The following PRDM5 variants were observed in gnomAD, a reference collection of about 807,000 sequenced individuals.
PRDM5 encodes PR/SET domain 5, also known as PR domain zinc finger protein 5.
In PRDM5, 56 loss-of-function variants were observed where a neutral mutation model predicts 81.2. The ratio of observed to expected loss-of-function variants is 0.69; its 90% CI spans 0.56 to 0.86. PRDM5 has a LOEUF of 0.86. Ranked by LOEUF, PRDM5 falls within the 40% of genes least tolerant of loss-of-function variation. The probability of loss-of-function intolerance (pLI) is 0.00; values close to 1 mark genes in which losing one functional copy is unlikely to be tolerated. For synonymous variants in PRDM5, 267 were observed against 256.4 expected (o/e 1.04, Z -0.39); for missense variants, 697 against 770.1 (o/e 0.91, Z 1.12).
At chr4:120,828,817 G>A (rs1020264807) in intron 3 of PRDM5, among the ~76,000 whole-genome samples, 7 of 151,992 alleles carry the variant, frequency 4.6e-5, no homozygotes, top group African/African-American at 1.4e-4. Flanking sequence ...TATATGACAG[G>A]AAGAACACTT....
intron 11 of PRDM5, among the ~76,000 whole-genome samples, chr4:120,782,835 T>C (rs1195451672): frequency 1.3e-5 from 2 of 152,120 alleles, no homozygotes; most frequent in Admixed American, 6.6e-5. Flanking sequence ...ACCTCTAAGA[T>C]TGTTCCTATC....
intron 14 of PRDM5, among the ~76,000 whole-genome samples, chr4:120,743,744 T>C (rs1742496564): frequency 8.4e-6 from 1 of 119,468 alleles, no homozygotes; most frequent in Middle Eastern, 4.1e-3. Flanking sequence ...CCTAAATATA[T>C]ATGCACCCAA....
At chr4:120,837,016 C>CTATCAAA (rs1452473651) in intron 3 of PRDM5, among the ~76,000 whole-genome samples, 1 of 152,138 alleles carries the variant, frequency 6.6e-6, no homozygotes, top group African/African-American at 2.4e-5. Flanking sequence ...ACCCACCTGC[C>CTATCAAA]TATCAAATTC....
intron 10 of PRDM5, among the ~76,000 whole-genome samples, chr4:120,795,681 G>A (rs1445875428): frequency 6.6e-6 from 1 of 152,204 alleles, no homozygotes; most frequent in African/African-American, 2.4e-5. Context: ...GGGAGGCCGA[G>A]GTAGGCAGAT....
chr4:120,872,893 G>A (rs1288601669), intron 2 of PRDM5, among the ~76,000 whole-genome samples: 1 of 152,180 alleles, frequency 6.6e-6, no homozygotes, highest in Non-Finnish European at 1.5e-5. Context: ...AAGTTCTGGA[G>A]ATCTGCTTGA....
chr4:120,809,324 A>G (rs1169699873), intron 8 of PRDM5, among the ~76,000 whole-genome samples: 1 of 152,200 alleles, frequency 6.6e-6, no homozygotes, highest in East Asian at 1.9e-4. Context: ...GCACAACAAC[A>G]TGGCCCATGT....
At chr4:120,913,430 G>A (rs796503221) in intron 1 of PRDM5, among the ~76,000 whole-genome samples, 1 of 152,216 alleles carries the variant, frequency 6.6e-6, no homozygotes, top group Non-Finnish European at 1.5e-5. Context: ...TACTGCAGTT[G>A]TCTCTCTTAC....
rs1275485233 is a variant in PRDM5, at chr4:120,733,081, G to A, written c.1623+21472C>T. On this transcript the variant is annotated intron_variant, in intron 14 of 15. Transcript: ENST00000264808. ...GTGTGATATAAAAGAAAAAAGATAT[G>A]AAAGAAAAATAGGTAAGTTCAAGGG... Among the ~76,000 whole-genome samples the A allele has an allele frequency of 2.6e-5, 4 of 152,122 alleles. 1 individual carries two copies. The highest frequency in any genetic ancestry group is 9.7e-5 in the African/African-American group (4 of 41,430).
chr4:120,911,368 C>G (rs1414855409), intron 1 of PRDM5, among the ~76,000 whole-genome samples: 1 of 152,176 alleles, frequency 6.6e-6, no homozygotes, highest in Non-Finnish European at 1.5e-5. Flanking sequence ...AAGATAAATT[C>G]AGCCTGTACA....
intron 14 of PRDM5, among the ~76,000 whole-genome samples, chr4:120,715,517 T>G (rs1286699326): frequency 6.6e-6 from 1 of 152,216 alleles, no homozygotes; most frequent in African/African-American, 2.4e-5. Context: ...ACTTCAAATA[T>G]TTCTTCAAAT....
At chr4:120,769,486 T>G (rs576366273) in intron 13 of PRDM5, among the ~76,000 whole-genome samples, 2 of 152,108 alleles carry the variant, frequency 1.3e-5, no homozygotes, top group South Asian at 4.1e-4. Context: ...ATGTAAACAG[T>G]GAGGGGTCGG....
chr4:120,762,709 C>A (rs1228063005), intron 13 of PRDM5: 1 of 152,148 alleles, frequency 6.6e-6, no homozygotes, highest in Non-Finnish European at 1.5e-5. Context: ...TTCTTGGCAT[C>A]TTTCTGTAAT....
At chr4:120,920,667 T>C (rs541348086) in intron 1 of PRDM5, among the ~76,000 whole-genome samples, 1 of 152,366 alleles carries the variant, frequency 6.6e-6, no homozygotes, top group South Asian at 2.1e-4. Context: ...GTCCATGACC[T>C]TGTGACTGAA....
intron 1 of PRDM5, among the ~76,000 whole-genome samples, chr4:120,912,488 TG>T (rs1157685114): frequency 6.6e-6 from 1 of 152,200 alleles, no homozygotes; most frequent in Admixed American, 6.5e-5. Flanking sequence ...AGAGAGTCAC[TG>T]TTATTAAAAA....
chr4:120,728,553 C>G (rs1359927547), intron 14 of PRDM5, among the ~76,000 whole-genome samples: 1 of 151,884 alleles, frequency 6.6e-6, no homozygotes, highest in Non-Finnish European at 1.5e-5. Flanking sequence ...TCAATTTTTT[C>G]TTTAGGTGAA....
At chr4:120,725,357 A>T (rs148268713) in intron 14 of PRDM5, among the ~76,000 whole-genome samples, 1 of 150,164 alleles carries the variant, frequency 6.7e-6, no homozygotes, top group South Asian at 2.2e-4. Flanking sequence ...ATATCTGATG[A>T]TGCTACACAG....
chr4:120,873,495 C>T (rs543762473), intron 2 of PRDM5, among the ~76,000 whole-genome samples: 19 of 152,326 alleles, frequency 1.2e-4, no homozygotes, highest in African/African-American at 3.8e-4. Context: ...AACTATCCAT[C>T]AGTACTTCAA....
chr4:120,698,134 C>A (rs11723445), intron 15 of PRDM5, among the ~76,000 whole-genome samples: 26,240 of 151,980 alleles, frequency 0.17, 2,591 homozygotes, highest in Non-Finnish European at 0.24. Context: ...TGAAAAAATG[C>A]AGTTAGTTGG....
At chr4:120,687,381 G>A (rs375083940), downstream of PRDM5, among the ~76,000 whole-genome samples, 70 of 152,158 alleles carry the variant, frequency 4.6e-4, no homozygotes, top group South Asian at 0.014. Context: ...AAATGATGCA[G>A]TATTTGTCTT....
Sources: allele counts gnomAD v4.1 joint callset (sites outside exome capture counted in the v4.1 genomes callset), GRCh38; gene constraint gnomAD v4.1.1; transcripts MANE v1.5; gene names NCBI Gene and HGNC (gene_info 2026-07-23, HGNC 2026-07-21).